Variants in RNF123 observed in about 807,000 individuals in gnomAD.
RNF123 encodes the protein E3 ubiquitin-protein ligase RNF123.
A neutral mutation model predicts 168.5 loss-of-function variants in RNF123; 86 were observed. That is an observed-to-expected ratio of 0.51 (90% confidence interval 0.43 to 0.61). The LOEUF (loss-of-function observed/expected upper bound fraction) is 0.61. RNF123 is among the 20% of genes least tolerant of loss of function. The pLI is 0.00. For missense variants in RNF123, 1,419 were observed against 1,729.7 expected (o/e 0.82, Z 3.19); for synonymous variants, 666 against 689.1 (o/e 0.97, Z 0.52).
At chr3:49,694,380 G>C (rs540567495) in intron 3 of RNF123, among the ~76,000 whole-genome samples, 2 of 152,124 alleles carry the variant, frequency 1.3e-5, no homozygotes, top group African/African-American at 4.8e-5. Flanking sequence ...ATGTTATCCC[G>C]TGAGTATTTT....
chr3:49,699,656 C>G lies in RNF123; in HGVS notation c.880-12C>G. On this transcript the variant is annotated splice_polypyrimidine_tract_variant and intron_variant, in intron 11 of 38. Transcript: ENST00000327697. This position sits in a 1 kb window ranked among gnomAD's most constrained non-coding sequence, Gnocchi z 4.8. The stretch of plus-strand genomic sequence containing the variant: ...TGCCCCTCACACTTCTCCCTCCTCC[C>G]CCTCCACACAGGAGGGGCGGCTGTT... 27 of 1,613,524 alleles carry G rather than the reference C, an allele frequency of 1.7e-5. No individual in the cohort carries two copies. The highest frequency in any genetic ancestry group is 2.3e-5 in the Non-Finnish European group (27 of 1,179,744).
At chr3:49,692,598 A>G (rs567398763) in intron 3 of RNF123, among the ~76,000 whole-genome samples, 2 of 152,202 alleles carry the variant, frequency 1.3e-5, no homozygotes, top group Non-Finnish European at 2.9e-5. Flanking sequence ...TGTACGCATT[A>G]GCCATCCCCA....
intron 16 of RNF123, 77 bp from the exon 17 acceptor site, chr3:49,701,734 T>C: frequency 6.8e-7 from 1 of 1,463,536 alleles, no homozygotes; most frequent in South Asian, 1.2e-5. Flanking sequence ...GGAGATGGAG[T>C]GTGGGTGTTC....
Position 49,704,693 on chromosome 3 carries a change from G to T in RNF123, c.1896G>T (p.Glu632Asp), listed in dbSNP as rs1438279394. The change falls in exon 22 of 39, where the codon GAG becomes GAT. Residue 632 changes from glutamate to aspartate, a missense_variant. By Grantham distance (45) the Glu-to-Asp change is conservative. This residue lies in a region of RNF123 where 538 missense variants were observed against 708.8 expected (regional missense o/e 0.76). Coordinates refer to ENST00000327697, the MANE Select transcript of RNF123 (RefSeq NM_022064.5). ...SKANIVIDPLELQSTAMDDLD... is the reference protein window; with the variant it reads ...SKANIVIDPLDLQSTAMDDLD... The stretch of plus-strand genomic sequence containing the variant: ...CCAACATTGTGATCGACCCACTGGA[G>T]CTCCAGTCAACCGCCATGGATGACC... 8 of 1,607,736 alleles carry T rather than the reference G, an allele frequency of 5.0e-6. No homozygotes were observed. The highest frequency in any genetic ancestry group is 6.8e-6 in the Non-Finnish European group (8 of 1,177,166).
At position 49,705,540 on chromosome 3, in the gene RNF123, G is replaced by A. The variant is rs549502290; in HGVS notation, c.2165G>A (p.Gly722Asp). 1 of 1,593,164 alleles carries A rather than the reference G, an allele frequency of 6.3e-7. No individual in the cohort carries two copies. The highest frequency in any genetic ancestry group is 1.8e-5 in the Admixed American group (1 of 56,402). ...TCCCTCCCCAACTCCCCAGTTGAAG[G>A]CAGCCACTGGAATGAGGGCTTGCTG... Reference protein sequence around the residue: ...VEQRTREDIEGSHWNEGLLLG... With the variant: ...VEQRTREDIEDSHWNEGLLLG... Residue 722 changes from glycine (G) to aspartate (D), a missense_variant, in exon 24 of 39, where the codon GGC becomes GAC. By Grantham distance (94) the Gly-to-Asp change is moderately conservative. Transcript: ENST00000327697.
intron 35 of RNF123, chr3:49,718,735 T>C: frequency 1.2e-6 from 2 of 1,613,014 alleles, no homozygotes; most frequent in African/African-American, 1.3e-5. Flanking sequence ...GCGCGCAAAG[T>C]CGCGCACGGC....
chr3:49,719,072 G>T lies in RNF123; in HGVS notation c.3501-1439G>T, dbSNP rs1240373296. The T allele has an allele frequency of 2.5e-6, 4 of 1,613,810 alleles. No homozygotes were observed. In the East Asian group the frequency reaches 8.9e-5, roughly 36 times the overall value. ...AGAAGCAGCTTCTCCAGCGCCCCCAGCCCGTCGAGGTCGTGGCGGCCAAGC... is the reference window on the plus strand; with the variant it reads ...AGAAGCAGCTTCTCCAGCGCCCCCATCCCGTCGAGGTCGTGGCGGCCAAGC... On this transcript the variant is annotated intron_variant, in intron 35 of 38. Coordinates refer to ENST00000327697, the MANE Select transcript of RNF123 (RefSeq NM_022064.5).
At chr3:49,715,379 TAGA>T (rs960182913) in intron 31 of RNF123, 193 bp from the exon 32 acceptor site, 2 of 648,522 alleles carry the variant, frequency 3.1e-6, no homozygotes, top group Non-Finnish European at 2.6e-6. Context: ...GCTTGCCTAG[TAGA>T]AGGAGGGGAC....
rs1293529584 is a variant in RNF123, at chr3:49,700,573, C to T, written c.1203+9C>T. 6 of 1,614,068 alleles carry T rather than the reference C, an allele frequency of 3.7e-6. No individual in the cohort carries two copies. The highest frequency in any genetic ancestry group is 8.5e-7 in the Non-Finnish European group (1 of 1,180,034). On this transcript the variant is annotated intron_variant, in intron 14 of 38. Transcript: ENST00000327697. ...CAGACCTGGGCCTACAGGTGGGAGC[C>T]CCTACCCCTGCCCTGAGCCCCCTGG...
intron 12 of RNF123, 136 bp from the exon 13 acceptor site, chr3:49,700,091 G>T: frequency 7.8e-7 from 1 of 1,275,366 alleles, no homozygotes; most frequent in Non-Finnish European, 1.1e-6. Flanking sequence ...CCCCGGAAGG[G>T]GTCATCTATG....
chr3:49,707,652 G>T (rs2054544197), intron 26 of RNF123, among the ~76,000 whole-genome samples: 1 of 152,128 alleles, frequency 6.6e-6, no homozygotes, highest in Admixed American at 6.6e-5. Flanking sequence ...CTGCATGACT[G>T]GGTGATCGAG....
At chr3:49,698,028 TG>T in intron 6 of RNF123, 23 bp from the exon 7 acceptor site, 1 of 1,613,578 alleles carries the variant, frequency 6.2e-7, no homozygotes. Flanking sequence ...GTCCACCTCG[TG>T]GCCCTAACTC....
intron 1 of RNF123, 32 bp from the exon 2 acceptor site, chr3:49,691,098 C>T: frequency 6.7e-7 from 1 of 1,491,342 alleles, no homozygotes; most frequent in Non-Finnish European, 9.3e-7. Context: ...CCCTGGCTGG[C>T]CCTGAGTAGA....
chr3:49,698,724 G>A (rs2054317749), intron 8 of RNF123, 31 bp from the exon 9 acceptor site: 4 of 1,609,108 alleles, frequency 2.5e-6, no homozygotes, highest in Non-Finnish European at 3.4e-6. Flanking sequence ...CTGGGCTTCT[G>A]TGCATCTGGT....
intron 26 of RNF123, among the ~76,000 whole-genome samples, chr3:49,707,192 CG>C (rs1432097095): frequency 1.3e-5 from 2 of 151,992 alleles, no homozygotes; most frequent in Non-Finnish European, 2.9e-5. Flanking sequence ...TCTTGGCCCC[CG>C]TCCTTCTCTC....
At chr3:49,718,678 A>T (rs1232313565) in intron 35 of RNF123, 1 of 1,612,892 alleles carries the variant, frequency 6.2e-7, no homozygotes, top group African/African-American at 1.3e-5. Flanking sequence ...GTGCTGGAAG[A>T]AGCGCACGCG....
chr3:49,718,622 C>T, intron 35 of RNF123: 1 of 1,613,022 alleles, frequency 6.2e-7, no homozygotes, highest in Non-Finnish European at 8.5e-7. Context: ...TCCGGCCGCT[C>T]TAGGCCAAGA....
intron 35 of RNF123, chr3:49,717,171 C>T (rs2080265541): frequency 6.5e-6 from 1 of 153,284 alleles, no homozygotes; most frequent in East Asian, 1.9e-4. Context: ...TTCACTGTGT[C>T]TTGTGAGCCC....
chr3:49,713,258 G>A (rs1477474078), intron 27 of RNF123: 5 of 593,720 alleles, frequency 8.4e-6, no homozygotes, highest in Admixed American at 5.9e-5. Flanking sequence ...CATCAGGTGT[G>A]TGTGCTGAGA....
Sources: allele counts gnomAD v4.1 joint callset (sites outside exome capture counted in the v4.1 genomes callset), GRCh38; gene constraint gnomAD v4.1.1; regional missense constraint gnomAD v4.1.1; non-coding constraint Gnocchi (gnomAD v3.1); transcripts MANE v1.5; gene names NCBI Gene and HGNC (gene_info 2026-07-23, HGNC 2026-07-21).